The following DPP10 variants were observed in gnomAD, a reference collection of about 807,000 sequenced individuals.
DPP10 encodes inactive dipeptidyl peptidase 10.
Under a neutral mutation model 120.9 loss-of-function variants are expected in DPP10, and 33 were observed. The observed-to-expected ratio is 0.27, with a 90% CI of 0.21 to 0.37. The LOEUF is 0.37. Ranked by LOEUF, DPP10 falls within the 10% of genes least tolerant of loss-of-function variation. DPP10 has a pLI of 1.00. For missense variants in DPP10, 816 were observed against 942.8 expected (o/e 0.87, Z 1.76); for synonymous variants, 337 against 326.1 (o/e 1.03, Z -0.36).
At chr2:115,133,526 T>A (rs1315612090) in intron 1 of DPP10, among the ~76,000 whole-genome samples, 1 of 151,958 alleles carries the variant, frequency 6.6e-6, no homozygotes, top group East Asian at 1.9e-4. Context: ...TAAATGAAAA[T>A]AACAATGGAG....
intron 1 of DPP10, among the ~76,000 whole-genome samples, chr2:114,867,903 T>C (rs986154953): frequency 6.6e-6 from 1 of 152,212 alleles, no homozygotes; most frequent in Non-Finnish European, 1.5e-5. Context: ...AGAAGCTCAG[T>C]CTTGACAGGG....
At chr2:115,256,420 G>A (rs1296570193) in intron 1 of DPP10, among the ~76,000 whole-genome samples, 5 of 152,156 alleles carry the variant, frequency 3.3e-5, no homozygotes, top group Admixed American at 6.5e-5. Flanking sequence ...GTCAGCCACC[G>A]AGGCTTATGG....
At chr2:115,562,719 C>T (rs1268915992) in intron 5 of DPP10, among the ~76,000 whole-genome samples, 2 of 152,178 alleles carry the variant, frequency 1.3e-5, no homozygotes, top group Non-Finnish European at 2.9e-5. Flanking sequence ...AACATAATCT[C>T]CCCAAAGGTA....
chr2:114,850,052 C>CT (rs35017569), intron 1 of DPP10, among the ~76,000 whole-genome samples: 41,262 of 128,040 alleles, frequency 0.32, 7,229 homozygotes, highest in Middle Eastern at 0.56. Context: ...CCTTCTCTTT[C>CT]TTTTTTTTTT....
chr2:115,076,155 A>G (rs1707770755), intron 1 of DPP10, among the ~76,000 whole-genome samples: 4 of 152,112 alleles, frequency 2.6e-5, no homozygotes, highest in Admixed American at 2.6e-4. Flanking sequence ...TTATGGTGAA[A>G]TATATGTCAG....
At chr2:114,951,456 TATATGTTTAAAAAGTG>T (rs2104645157) in intron 1 of DPP10, among the ~76,000 whole-genome samples, 1 of 152,300 alleles carries the variant, frequency 6.6e-6, no homozygotes, top group South Asian at 2.1e-4. Flanking sequence ...CTTTTAATTA[TATATGTTTAAAAAGTG>T]ATTGTAACCA....
Position 115,842,596 on chromosome 2 carries a change from G to T in DPP10, c.*251G>T. ...TGGTTTCCTGGGAGAAATTAGTTTTGCATTAAAGTAGGAGTAGTGCATGTT... is the reference window on the plus strand; with the variant it reads ...TGGTTTCCTGGGAGAAATTAGTTTTTCATTAAAGTAGGAGTAGTGCATGTT... On this transcript the variant is annotated 3_prime_UTR_variant, in exon 26 of 26. Transcript: ENST00000410059. 1 of 323,692 alleles carries T rather than the reference G, an allele frequency of 3.1e-6. No homozygotes were observed. 20.1% of individuals were successfully genotyped at this position (323,692 alleles called of 1,614,324 possible). A position where few individuals can be genotyped will look rare whatever the true frequency, so the allele number is the denominator to read the frequency against.
At chr2:115,819,852 G>A (rs1374446950) in intron 21 of DPP10, among the ~76,000 whole-genome samples, 1 of 152,054 alleles carries the variant, frequency 6.6e-6, no homozygotes, top group East Asian at 1.9e-4. Context: ...AAACTAGCCG[G>A]GCATGGTGGC....
At chr2:115,182,077 A>G (rs1427279072) in intron 1 of DPP10, among the ~76,000 whole-genome samples, 2 of 152,184 alleles carry the variant, frequency 1.3e-5, no homozygotes, top group Non-Finnish European at 2.9e-5. Flanking sequence ...ATATAAAGCA[A>G]TCACCTTTAT....
intron 1 of DPP10, among the ~76,000 whole-genome samples, chr2:114,532,674 A>C (rs942005612): frequency 6.6e-6 from 1 of 152,162 alleles, no homozygotes; most frequent in Non-Finnish European, 1.5e-5. Flanking sequence ...TATGTGGATT[A>C]GTTTTGAAAT....
At chr2:115,775,238 G>A (rs1023624225) in intron 13 of DPP10, among the ~76,000 whole-genome samples, 3 of 151,456 alleles carry the variant, frequency 2.0e-5, no homozygotes, top group Non-Finnish European at 4.4e-5. Context: ...AGAAATGAAA[G>A]AATAGCACTT....
intron 16 of DPP10, 101 bp from the exon 17 acceptor site, chr2:115,782,251 A>C: frequency 1.0e-6 from 1 of 966,192 alleles, no homozygotes; most frequent in South Asian, 1.5e-5. Context: ...TTTAACCACG[A>C]AGTGCTTCCA....
intron 3 of DPP10, among the ~76,000 whole-genome samples, chr2:115,494,314 G>A (rs1313211253): frequency 6.6e-6 from 1 of 152,048 alleles, no homozygotes; most frequent in Non-Finnish European, 1.5e-5. Flanking sequence ...GCATTGACTT[G>A]TTTATAAAAC....
rs1201117909 is a variant in DPP10, at chr2:115,843,519, A to G, written c.*1174A>G. On this transcript the variant is annotated 3_prime_UTR_variant, in exon 26 of 26. Transcript: ENST00000410059. The stretch of plus-strand genomic sequence containing the variant: ...TGCCCAATTCATCTGTTACTGTTTA[A>G]TTTCAATTCTTCTGGTGAGAATTAG... 6.6e-6 allele frequency: 1 copy of G among 152,164 alleles called. No individual in the cohort carries two copies. Among genetic ancestry groups the G allele is most frequent in the Non-Finnish European group, 1.5e-5 (1 of 68,016 alleles). The allele number at this position is 152,164 out of a possible 1,614,324, so 9.4% of individuals were successfully genotyped here.
intron 3 of DPP10, among the ~76,000 whole-genome samples, chr2:115,469,222 T>C (rs1292840159): frequency 6.6e-6 from 1 of 152,110 alleles, no homozygotes; most frequent in Non-Finnish European, 1.5e-5. Flanking sequence ...GAAAGTGAAA[T>C]ATAAAGTTAT....
At chr2:115,054,361 G>T (rs951094279) in intron 1 of DPP10, among the ~76,000 whole-genome samples, 12 of 152,006 alleles carry the variant, frequency 7.9e-5, no homozygotes, top group African/African-American at 2.4e-4. Context: ...CTTCCTAACA[G>T]CAATTTTTAA....
At chr2:115,470,615 A>G (rs2105169713) in intron 3 of DPP10, among the ~76,000 whole-genome samples, 1 of 152,306 alleles carries the variant, frequency 6.6e-6, no homozygotes, top group Non-Finnish European at 1.5e-5. Context: ...GGGTTTTGAT[A>G]GCTTCTGTAA....
chr2:114,920,016 A>C (rs918468086), intron 1 of DPP10, among the ~76,000 whole-genome samples: 1 of 152,156 alleles, frequency 6.6e-6, no homozygotes, highest in African/African-American at 2.4e-5. Flanking sequence ...TTATTTAGTC[A>C]CATAAGTCAC....
At chr2:115,221,958 G>A (rs1306106626) in intron 1 of DPP10, among the ~76,000 whole-genome samples, 2 of 152,072 alleles carry the variant, frequency 1.3e-5, no homozygotes, top group African/African-American at 4.8e-5. Context: ...AAAATGCTAA[G>A]TGTGAGTAAG....
Sources: allele counts gnomAD v4.1 joint callset (sites outside exome capture counted in the v4.1 genomes callset), GRCh38; gene constraint gnomAD v4.1.1; transcripts MANE v1.5; gene names NCBI Gene and HGNC (gene_info 2026-07-23, HGNC 2026-07-21).